Variants in AMD1 observed in about 807,000 individuals in gnomAD.
The protein encoded by AMD1 is S-adenosylmethionine decarboxylase proenzyme.
AMD1 carries 11 observed loss-of-function variants against 40.2 expected under a neutral mutation model. That is an observed-to-expected ratio of 0.27 (90% CI 0.17 to 0.45). The LOEUF (loss-of-function observed/expected upper bound fraction) is 0.45. AMD1 is among the 20% of genes least tolerant of loss of function. The pLI is 1.00. For synonymous variants in AMD1, 121 were observed against 130.8 expected (o/e 0.93, Z 0.51); for missense variants, 257 against 410.2 (o/e 0.63, Z 3.23).
Position 110,874,980 on chromosome 6 carries a change from A to T in AMD1, c.-126A>T. On this transcript the variant is annotated 5_prime_UTR_variant, in exon 1 of 9. Coordinates refer to ENST00000368885, the MANE Select transcript of AMD1 (RefSeq NM_001634.6). ...AAGTTAATATAAAATTATAGCAAAAAAAAAAAGGAACCTGAACTTTAGTAA... is the reference window on the plus strand; with the variant it reads ...AAGTTAATATAAAATTATAGCAAAATAAAAAAGGAACCTGAACTTTAGTAA... The T allele has an allele frequency of 1.5e-6, 1 of 678,570 alleles. No homozygotes were observed. The highest frequency in any genetic ancestry group is 2.4e-6 in the Non-Finnish European group (1 of 410,906). 42.0% of individuals were successfully genotyped at this position (678,570 alleles called of 1,614,324 possible). A position where few individuals can be genotyped will look rare whatever the true frequency, so the allele number is the denominator to read the frequency against.
At chr6:110,859,512 T>G in the AMD1 span, among the ~76,000 whole-genome samples, 3 of 152,300 alleles carry the variant, frequency 2.0e-5, no homozygotes, top group East Asian at 5.8e-4. Context: ...GCCAATCAGT[T>G]TGTGGTTTCT....
intron 1 of AMD1, among the ~76,000 whole-genome samples, chr6:110,884,996 C>A (rs1312941167): frequency 3.3e-5 from 5 of 152,202 alleles, no homozygotes; most frequent in African/African-American, 1.2e-4. Context: ...ATACTTAAAT[C>A]ATAGTGGATA....
chr6:110,856,409 T>A, the AMD1 span: 12 of 152,298 alleles, frequency 7.9e-5, no homozygotes, highest in African/African-American at 2.9e-4. Flanking sequence ...AGCAAAAGAA[T>A]TGGATTGGTG....
chr6:110,831,038 G>C, the AMD1 span, among the ~76,000 whole-genome samples: 25 of 152,074 alleles, frequency 1.6e-4, no homozygotes, highest in African/African-American at 6.0e-4. Flanking sequence ...TTTTTAATTC[G>C]TTTTGCTCTG....
At chr6:110,882,539 T>A (rs935860923) in intron 1 of AMD1, among the ~76,000 whole-genome samples, 2 of 152,270 alleles carry the variant, frequency 1.3e-5, no homozygotes, top group Admixed American at 6.5e-5. Flanking sequence ...AATTTTCAGC[T>A]GTTGCAGAGT....
the AMD1 span, chr6:110,858,515 A>G: frequency 2.5e-6 from 4 of 1,580,210 alleles, no homozygotes; most frequent in Non-Finnish European, 3.5e-6. Flanking sequence ...CAATTTCATC[A>G]AGGCCATGGT....
chr6:110,837,310 TAA>T, the AMD1 span, among the ~76,000 whole-genome samples: 57 of 100,860 alleles, frequency 5.7e-4, no homozygotes, highest in East Asian at 1.7e-3. Flanking sequence ...TATTTAAAAC[TAA>T]AAAAAAAAAA....
chr6:110,884,803 GA>G (rs1295116144), intron 1 of AMD1, among the ~76,000 whole-genome samples: 1 of 152,216 alleles, frequency 6.6e-6, no homozygotes, highest in Non-Finnish European at 1.5e-5. Flanking sequence ...AGTCTTAATA[GA>G]AATGGTGAAT....
the AMD1 span, chr6:110,815,395 T>G: frequency 5.7e-6 from 2 of 349,964 alleles, no homozygotes; most frequent in East Asian, 4.9e-5. Flanking sequence ...CAGTCCCGCC[T>G]CCCTCCTTCA....
chr6:110,881,564 C>T (rs1428789804), intron 1 of AMD1, among the ~76,000 whole-genome samples: 3 of 152,068 alleles, frequency 2.0e-5, no homozygotes, highest in Non-Finnish European at 4.4e-5. Context: ...ATCCCAAATC[C>T]CAGCACTTTG....
upstream of AMD1, among the ~76,000 whole-genome samples, chr6:110,874,259 G>A (rs1784978436): frequency 6.6e-6 from 1 of 152,232 alleles, no homozygotes. Flanking sequence ...CTGGCAACGT[G>A]CGCGTCACGG....
chr6:110,869,218 C>T, the AMD1 span, among the ~76,000 whole-genome samples: 1 of 152,036 alleles, frequency 6.6e-6, no homozygotes, highest in Non-Finnish European at 1.5e-5. Flanking sequence ...GCAAGCTCCG[C>T]CTCCCGGGGT....
the AMD1 span, among the ~76,000 whole-genome samples, chr6:110,862,922 TTTTG>T: frequency 6.9e-5 from 10 of 145,880 alleles, no homozygotes; most frequent in Admixed American, 4.8e-4. Context: ...AAGTTCAGTT[TTTTG>T]TTTGTTTGTT....
chr6:110,892,640 G>C, intron 6 of AMD1, 95 bp from the exon 7 acceptor site: 1 of 1,468,408 alleles, frequency 6.8e-7, no homozygotes. Flanking sequence ...ATTTTTCCTG[G>C]TCCTCTCCCT....
At chr6:110,836,754 A>C in the AMD1 span, among the ~76,000 whole-genome samples, 1 of 151,932 alleles carries the variant, frequency 6.6e-6, no homozygotes, top group African/African-American at 2.4e-5. Context: ...TAGGTTTTTT[A>C]ATGTACTTGT....
In AMD1 at chr6:110,888,953, T is replaced by C. The variant is rs772742842; in HGVS notation, c.294T>C (p.Ala98=). 2 of 1,613,920 alleles carry C rather than the reference T, an allele frequency of 1.2e-6. No individual in the cohort carries two copies. Among genetic ancestry groups the C allele is most frequent in the African/African-American group, 2.7e-5 (2 of 74,944 alleles). ...CACTGGTTCCCCTGTTGAAGCTTGC[T>C]AGGGATTACAGTGGGTTTGACTCAA... is the stretch of plus-strand genomic sequence containing the variant. The part of the protein sequence containing the change: ...LKALVPLLKL[A]RDYSGFDSIQ... Residue 98 remains alanine, a synonymous_variant, in exon 3 of 9, where the codon GCT becomes GCC. Transcript: ENST00000368885.
At chr6:110,859,081 C>A in the AMD1 span, 1 of 1,287,028 alleles carries the variant, frequency 7.8e-7, no homozygotes, top group Non-Finnish European at 1.1e-6. Flanking sequence ...AGGGCTCCCT[C>A]GGGCGCGCAG....
intron 1 of AMD1, among the ~76,000 whole-genome samples, chr6:110,882,997 C>T (rs184478712): frequency 3.3e-5 from 5 of 152,106 alleles, no homozygotes; most frequent in East Asian, 3.9e-4. Flanking sequence ...GTGATACATG[C>T]CCTGTGGTCC....
intron 1 of AMD1, among the ~76,000 whole-genome samples, chr6:110,887,266 TTTTC>T (rs1185283083): frequency 6.6e-6 from 1 of 152,176 alleles, no homozygotes; most frequent in East Asian, 1.9e-4. Flanking sequence ...TTTTGCCTAT[TTTTC>T]TTTAAGTAAT....
Sources: gnomAD v4.1 joint callset for allele counts (sites outside exome capture counted in the v4.1 genomes callset) on GRCh38, gnomAD v4.1.1 for gene constraint, MANE v1.5 for transcripts, NCBI Gene and HGNC (gene_info 2026-07-23, HGNC 2026-07-21) for gene names.